The following CEP63 variants were observed in gnomAD, a reference collection of about 807,000 sequenced individuals.
CEP63 encodes the protein centrosomal protein 63, also known as centrosomal protein of 63 kDa.
CEP63 carries 84 observed loss-of-function variants against 89.1 expected under a neutral mutation model. The observed-to-expected ratio is 0.94, with a 90% CI of 0.79 to 1.13. CEP63 has a LOEUF of 1.13. Among genes scored for constraint, CEP63 ranks in the 50% most tolerant of loss-of-function variants. The pLI is 0.00. For synonymous variants in CEP63, 267 were observed against 272.5 expected (o/e 0.98, Z 0.20); for missense variants, 838 against 813.3 (o/e 1.03, Z -0.37).
chr3:134,716,631 G>T, the CEP63 span, among the ~76,000 whole-genome samples: 5 of 152,206 alleles, frequency 3.3e-5, no homozygotes, highest in African/African-American at 1.2e-4. Flanking sequence ...TTAGCCAGAG[G>T]TACAGAGGAC....
the CEP63 span, among the ~76,000 whole-genome samples, chr3:134,677,869 G>A: frequency 6.6e-5 from 10 of 151,908 alleles, no homozygotes; most frequent in East Asian, 1.6e-3. Context: ...ACCAAGTCAC[G>A]CCGTGTCCCA....
At chr3:134,588,069 G>A (rs1020501738), downstream of CEP63, among the ~76,000 whole-genome samples, 22 of 152,212 alleles carry the variant, frequency 1.4e-4, 1 homozygote, top group African/African-American at 3.9e-4. Flanking sequence ...CAATGTGGGC[G>A]ATCATTTGAG....
At chr3:134,707,371 T>C in the CEP63 span, among the ~76,000 whole-genome samples, 4 of 152,284 alleles carry the variant, frequency 2.6e-5, no homozygotes, top group African/African-American at 9.6e-5. Flanking sequence ...CTGAGTAAGA[T>C]TTAGGCTACC....
At chr3:134,673,900 G>A in the CEP63 span, among the ~76,000 whole-genome samples, 5 of 152,240 alleles carry the variant, frequency 3.3e-5, no homozygotes, top group East Asian at 1.9e-4. Flanking sequence ...TCACTCTTCC[G>A]GTAAAACAGA....
At chr3:134,566,131 T>C (rs1957747819), downstream of CEP63, among the ~76,000 whole-genome samples, 1 of 52 alleles carries the variant, frequency 0.019, no homozygotes, top group South Asian at 0.25. Flanking sequence ...ATTCACATCT[T>C]TTTTTTTTTC....
the CEP63 span, among the ~76,000 whole-genome samples, chr3:134,698,708 G>A: frequency 6.6e-6 from 1 of 152,216 alleles, no homozygotes; most frequent in African/African-American, 2.4e-5. Flanking sequence ...CCCACACCTT[G>A]TCTCCAGGTA....
intron 3 of CEP63, among the ~76,000 whole-genome samples, chr3:134,521,742 A>G (rs901036778): frequency 1.3e-5 from 2 of 152,188 alleles, no homozygotes; most frequent in Non-Finnish European, 2.9e-5. Flanking sequence ...ATGATCAGTG[A>G]CTTAGTATTG....
chr3:134,778,109 T>C, the CEP63 span, among the ~76,000 whole-genome samples: 1 of 151,510 alleles, frequency 6.6e-6, no homozygotes, highest in Admixed American at 6.6e-5. Flanking sequence ...TTTTTTTTTT[T>C]TTTTTGAGAC....
chr3:134,604,355 C>G, the CEP63 span: 1 of 1,613,996 alleles, frequency 6.2e-7, no homozygotes, highest in Non-Finnish European at 8.5e-7. Context: ...GGAGGGTACA[C>G]CTCCAACTTC....
the CEP63 span, among the ~76,000 whole-genome samples, chr3:134,632,382 AG>A: frequency 6.6e-6 from 1 of 152,042 alleles, no homozygotes; most frequent in African/African-American, 2.4e-5. Context: ...AAACCTAAAA[AG>A]TTGAAGAGAA....
At chr3:134,778,120 G>A in the CEP63 span, among the ~76,000 whole-genome samples, 4 of 142,768 alleles carry the variant, frequency 2.8e-5, no homozygotes, top group South Asian at 4.5e-4. Context: ...TTTTTGAGAC[G>A]GAGTTTCCCT....
At chr3:134,620,680 T>C in the CEP63 span, 1 of 1,091,452 alleles carries the variant, frequency 9.2e-7, no homozygotes, top group Non-Finnish European at 1.4e-6. Context: ...AATAAGCTGA[T>C]AGGAGCAGAG....
At chr3:134,590,429 T>C (rs1415570747), downstream of CEP63, among the ~76,000 whole-genome samples, 1 of 152,176 alleles carries the variant, frequency 6.6e-6, no homozygotes, top group African/African-American at 2.4e-5. Context: ...ATTAAAAATT[T>C]ATATCATTTA....
chr3:134,687,963 C>T, the CEP63 span, among the ~76,000 whole-genome samples: 13 of 152,270 alleles, frequency 8.5e-5, no homozygotes, highest in East Asian at 1.9e-3. Flanking sequence ...GCATCACTGA[C>T]GGGGAAGTAA....
chr3:134,646,881 C>T, the CEP63 span, among the ~76,000 whole-genome samples: 2 of 152,126 alleles, frequency 1.3e-5, no homozygotes, highest in Admixed American at 6.5e-5. Context: ...TAGAATAAAG[C>T]CCATTATACT....
chr3:134,538,731 A>G (rs906255997), intron 6 of CEP63, among the ~76,000 whole-genome samples: 6 of 151,288 alleles, frequency 4.0e-5, no homozygotes, highest in Non-Finnish European at 7.4e-5. Flanking sequence ...ATATTGTTAT[A>G]TTCTAGTTGT....
chr3:134,540,308 A>G (rs1951744213), intron 6 of CEP63, among the ~76,000 whole-genome samples: 2 of 152,182 alleles, frequency 1.3e-5, no homozygotes, highest in South Asian at 2.1e-4. Context: ...TAAATGTATA[A>G]TGACATTTGT....
chr3:134,651,396 C>T, the CEP63 span: 2 of 1,090,636 alleles, frequency 1.8e-6, no homozygotes, highest in African/African-American at 1.7e-5. Flanking sequence ...AGCCGACCTC[C>T]CACGAGAAGC....
At chr3:134,535,694 C>G (rs1192187310) in intron 5 of CEP63, 1 of 152,122 alleles carries the variant, frequency 6.6e-6, no homozygotes, top group East Asian at 1.9e-4. Context: ...CTTAACATGT[C>G]CAAGCTAAAG....
Sources: gnomAD v4.1 joint callset for allele counts (sites outside exome capture counted in the v4.1 genomes callset) on GRCh38, gnomAD v4.1.1 for gene constraint, MANE v1.5 for transcripts, NCBI Gene and HGNC (gene_info 2026-07-23, HGNC 2026-07-21) for gene names.